The following IL1RAPL1 variants were observed in gnomAD, a reference collection of about 807,000 sequenced individuals.
IL1RAPL1 encodes interleukin 1 receptor accessory protein like 1.
IL1RAPL1 carries 3 observed loss-of-function variants against 48.4 expected under a neutral mutation model. The ratio of observed to expected loss-of-function variants is 0.06; its 90% CI spans 0.03 to 0.16. The LOEUF (loss-of-function observed/expected upper bound fraction) is 0.16. Ranked by LOEUF, IL1RAPL1 falls within the 10% of genes least tolerant of loss-of-function variation. The pLI, the probability that IL1RAPL1 is intolerant of heterozygous loss-of-function variation, is 1.00. For synonymous variants in IL1RAPL1, 185 were observed against 187.7 expected, an observed-to-expected ratio of 0.99 and a Z score of 0.12; for missense variants, 349 against 530.6, an observed-to-expected ratio of 0.66 and a Z score of 3.36.
At chrX:29,042,858 G>A (rs1926876802) in intron 2 of IL1RAPL1, among the ~76,000 whole-genome samples, 1 of 111,907 alleles carries the variant, frequency 8.9e-6, no homozygotes, top group Non-Finnish European at 1.9e-5. Context: ...GATAGCAATA[G>A]TAATAAGTCA....
intron 2 of IL1RAPL1, among the ~76,000 whole-genome samples, chrX:29,270,878 A>G (rs878869681): frequency 9.0e-6 from 1 of 111,680 alleles, no homozygotes; most frequent in African/African-American, 3.3e-5. Flanking sequence ...CTTCTGTTTT[A>G]CATTCAGGGT....
intron 6 of IL1RAPL1, among the ~76,000 whole-genome samples, chrX:29,784,449 A>T (rs1280566641): frequency 9.0e-6 from 1 of 111,628 alleles, no homozygotes; most frequent in African/African-American, 3.3e-5. Context: ...TTGGCTATTC[A>T]TACACAGGTA....
At chrX:29,228,332 A>AGTGTGTGTGTGT (rs1555978439) in intron 2 of IL1RAPL1, among the ~76,000 whole-genome samples, 25 of 79,565 alleles carry the variant, frequency 3.1e-4, no homozygotes, top group African/African-American at 6.6e-4. Flanking sequence ...AGTTTTGCCT[A>AGTGTGTGTGTGT]GTGTGTGTGT....
chrX:29,315,138 G>C (rs1359194247), intron 3 of IL1RAPL1, among the ~76,000 whole-genome samples: 1 of 111,772 alleles, frequency 8.9e-6, no homozygotes, highest in Non-Finnish European at 1.9e-5. Flanking sequence ...CAAAGGCTAG[G>C]AACTATTAAT....
chrX:29,219,955 G>GA (rs57985625), intron 2 of IL1RAPL1, among the ~76,000 whole-genome samples: 1,823 of 96,689 alleles, frequency 0.019, 87 homozygotes, highest in Admixed American at 0.12. Flanking sequence ...AATCTTTAAA[G>GA]AAAAAAAAAA....
chrX:29,105,564 A>G (rs1275998433), intron 2 of IL1RAPL1, among the ~76,000 whole-genome samples: 1 of 112,149 alleles, frequency 8.9e-6, no homozygotes, highest in Non-Finnish European at 1.9e-5. Flanking sequence ...CTCCTTTGCA[A>G]TGTTGGAGAG....
intron 3 of IL1RAPL1, among the ~76,000 whole-genome samples, chrX:29,345,478 GTTTGT>G (rs1933138877): frequency 9.0e-6 from 1 of 111,191 alleles, no homozygotes; most frequent in African/African-American, 3.3e-5. Context: ...TTTTGTATTG[GTTTGT>G]TTTATTTTTC....
intron 6 of IL1RAPL1, among the ~76,000 whole-genome samples, chrX:29,728,048 C>T (rs1031115255): frequency 8.0e-4 from 89 of 110,871 alleles, no homozygotes; most frequent in Non-Finnish European, 1.5e-3. Flanking sequence ...CGCCATTCTC[C>T]TACCTCAGCC....
intron 5 of IL1RAPL1, among the ~76,000 whole-genome samples, chrX:29,431,019 G>C (rs1038296199): frequency 3.6e-5 from 4 of 111,423 alleles, no homozygotes; most frequent in Non-Finnish European, 7.5e-5. Flanking sequence ...CAGACTGTTT[G>C]CTGTTAATAA....
chrX:29,064,877 G>A (rs1290696904), intron 2 of IL1RAPL1, among the ~76,000 whole-genome samples: 2 of 111,799 alleles, frequency 1.8e-5, no homozygotes, highest in East Asian at 2.8e-4. Context: ...CATTGCGCCC[G>A]GCCGAGAACA....
intron 2 of IL1RAPL1, among the ~76,000 whole-genome samples, chrX:29,241,256 C>G (rs1309100210): frequency 8.9e-6 from 1 of 111,761 alleles, no homozygotes; most frequent in African/African-American, 3.3e-5. Flanking sequence ...TCGGGCTGAA[C>G]TGAGTAAGCA....
chrX:29,942,112 A>C (rs750432119), intron 9 of IL1RAPL1, among the ~76,000 whole-genome samples: 1 of 112,132 alleles, frequency 8.9e-6, no homozygotes, highest in South Asian at 3.7e-4. Flanking sequence ...CAGGACTGAA[A>C]GGCCAGTTTT....
chrX:29,179,818 C>G (rs1273782420), intron 2 of IL1RAPL1, among the ~76,000 whole-genome samples: 1 of 111,550 alleles, frequency 9.0e-6, no homozygotes, highest in Non-Finnish European at 1.9e-5. Context: ...TCCTACCTCA[C>G]TGCTGACTAG....
At chrX:28,896,132 A>G (rs968305587) in intron 2 of IL1RAPL1, among the ~76,000 whole-genome samples, 3 of 111,510 alleles carry the variant, frequency 2.7e-5, no homozygotes, top group African/African-American at 9.8e-5. Flanking sequence ...TGTGCTGGAG[A>G]TGTGGCTGGG....
intron 2 of IL1RAPL1, among the ~76,000 whole-genome samples, chrX:29,273,127 G>A (rs1021730150): frequency 3.6e-5 from 4 of 111,460 alleles, no homozygotes; most frequent in African/African-American, 1.3e-4. Context: ...TGAATTACAT[G>A]TCTGTCATTT....
Position 28,924,686 on chromosome X carries a change from T to C in IL1RAPL1, c.82+135261T>C, listed in dbSNP as rs1034696325. On this transcript the variant is annotated intron_variant, in intron 2 of 10. Coordinates refer to ENST00000378993, the MANE Select transcript of IL1RAPL1 (RefSeq NM_014271.4). ...GGAAAAGAAAAGTGATCTTCTAAAT[T>C]TGAAAATGAAAGATTTATGTGGCTC... 2.7e-5 allele frequency among the ~76,000 whole-genome samples: 3 copies of C among 111,927 alleles called. No individual in the cohort carries two copies. In the East Asian group the frequency reaches 8.4e-4, roughly 31 times the overall value.
chrX:28,602,547 A>T (rs764622459), intron 1 of IL1RAPL1, among the ~76,000 whole-genome samples: 3 of 112,222 alleles, frequency 2.7e-5, no homozygotes, highest in South Asian at 3.7e-4. Context: ...ATCAGACGCT[A>T]TTTAAACCTC....
At chrX:28,630,178 G>A (rs1404189093) in intron 1 of IL1RAPL1, among the ~76,000 whole-genome samples, 2 of 110,999 alleles carry the variant, frequency 1.8e-5, no homozygotes, top group Non-Finnish European at 3.8e-5. Context: ...GTGATAGATC[G>A]ACTTTTTTTT....
chrX:29,882,104 A>G (rs1186489407), intron 6 of IL1RAPL1, among the ~76,000 whole-genome samples: 2 of 111,573 alleles, frequency 1.8e-5, no homozygotes, highest in Admixed American at 9.6e-5. Flanking sequence ...GACTCAATTT[A>G]TTTTCTCTAA....
Sources: allele counts gnomAD v4.1 joint callset (sites outside exome capture counted in the v4.1 genomes callset), GRCh38; gene constraint gnomAD v4.1.1; transcripts MANE v1.5; gene names NCBI Gene and HGNC (gene_info 2026-07-23, HGNC 2026-07-21).